COG5: variants seen among roughly 807,000 people sequenced by gnomAD.
The protein encoded by COG5 is conserved oligomeric Golgi complex subunit 5.
COG5 carries 86 observed loss-of-function variants against 110.4 expected under a neutral mutation model. The observed-to-expected ratio is 0.78, with a 90% confidence interval of 0.65 to 0.93. The LOEUF (loss-of-function observed/expected upper bound fraction) is 0.93. Ranked by LOEUF, COG5 falls within the 40% of genes least tolerant of loss-of-function variation. COG5 has a pLI of 0.00. For synonymous variants in COG5, 360 were observed against 334.6 expected (o/e 1.08, Z -0.83); for missense variants, 1,077 against 987.0 (o/e 1.09, Z -1.22).
Position 107,260,869 on chromosome 7 carries a change from A to G in COG5, c.1576-2486T>C, listed in dbSNP as rs1803278698. Among the ~76,000 whole-genome samples the G allele has an allele frequency of 2.6e-5, 4 of 152,276 alleles. 1 individual carries two copies. In the South Asian group the frequency reaches 8.3e-4, roughly 32 times the overall value. ...TTATCCTGATTTTACCGCCCAGAAT[A>G]TAATCAGTCCAAGTCCAATAGTTAG... On this transcript the variant is annotated intron_variant, in intron 14 of 21. Transcript: ENST00000297135.
intron 5 of COG5, among the ~76,000 whole-genome samples, chr7:107,543,362 C>T (rs1294308997): frequency 6.6e-6 from 1 of 152,196 alleles, no homozygotes; most frequent in African/African-American, 2.4e-5. Flanking sequence ...GAATTGAGCA[C>T]TGGACTTTGC....
rs192556713 is a variant in COG5, at chr7:107,413,417, T to C, written c.539-785A>G. ...AGAAGTAACCAAACAACATGCTAGA[T>C]TTGCAGTACAAAGGGCTCTAAGAGC... On this transcript the variant is annotated intron_variant, in intron 6 of 21. Coordinates refer to ENST00000297135, the MANE Select transcript of COG5 (RefSeq NM_006348.5). Among the ~76,000 whole-genome samples the C allele has an allele frequency of 5.9e-3, 892 of 152,156 alleles. 9 individuals are homozygous for C. Among genetic ancestry groups the C allele is most frequent in the South Asian group, 0.026 (126 of 4,808 alleles).
chr7:107,230,296 T>C (rs1800684284), intron 19 of COG5, among the ~76,000 whole-genome samples: 2 of 152,222 alleles, frequency 1.3e-5, no homozygotes, highest in East Asian at 3.9e-4. Context: ...TATATAATTA[T>C]GAATTGCCTA....
intron 8 of COG5, among the ~76,000 whole-genome samples, chr7:107,370,644 G>A (rs1814060534): frequency 6.6e-6 from 1 of 151,718 alleles, no homozygotes. Flanking sequence ...AAATTAGCTG[G>A]GCATGGTGGT....
chr7:107,414,612 C>G (rs985100090), intron 6 of COG5, among the ~76,000 whole-genome samples: 12 of 150,254 alleles, frequency 8.0e-5, no homozygotes, highest in African/African-American at 2.7e-4. Flanking sequence ...AGTTGCCCTT[C>G]CATTCATGAA....
chr7:107,303,167 C>T (rs529474194), intron 11 of COG5, among the ~76,000 whole-genome samples: 10 of 152,014 alleles, frequency 6.6e-5, no homozygotes, highest in South Asian at 4.2e-4. Flanking sequence ...CCTCCCACCT[C>T]GGCCACCAAA....
At chr7:107,208,657 C>T in intron 21 of COG5, 2 of 985,502 alleles carry the variant, frequency 2.0e-6, no homozygotes, top group Non-Finnish European at 2.4e-6. Context: ...GGAACATTCA[C>T]CGGGGCTGGT....
At chr7:107,357,411 T>C (rs574223472) in intron 10 of COG5, among the ~76,000 whole-genome samples, 2 of 152,236 alleles carry the variant, frequency 1.3e-5, no homozygotes, top group East Asian at 3.9e-4. Context: ...TTTTCATAAA[T>C]ATTGCCCTTA....
intron 7 of COG5, among the ~76,000 whole-genome samples, chr7:107,398,389 C>CA (rs1348974286): frequency 1.3e-5 from 2 of 152,186 alleles, no homozygotes; most frequent in African/African-American, 2.4e-5. Context: ...AGGTGAGCGG[C>CA]AGGGCAGTGA....
At chr7:107,466,859 T>C (rs892041742) in intron 6 of COG5, among the ~76,000 whole-genome samples, 2 of 152,352 alleles carry the variant, frequency 1.3e-5, no homozygotes, top group Admixed American at 1.3e-4. Flanking sequence ...TGTTTGTACA[T>C]AGATACCTTA....
intron 10 of COG5, among the ~76,000 whole-genome samples, chr7:107,353,152 G>A (rs1279267532): frequency 5.9e-5 from 9 of 152,198 alleles, no homozygotes; most frequent in Middle Eastern, 3.4e-3. Flanking sequence ...GTGGCTGGGC[G>A]CGGTGGTTCA....
At chr7:107,297,486 T>A (rs1806859978) in intron 12 of COG5, among the ~76,000 whole-genome samples, 1 of 145,680 alleles carries the variant, frequency 6.9e-6, no homozygotes, top group South Asian at 2.2e-4. Context: ...TATCATTTTG[T>A]CGCCCAGGCT....
rs574963130 is a variant in COG5 at position 107,525,047 on chromosome 7, C to T, written c.538+2190G>A. Among the ~76,000 whole-genome samples the T allele has an allele frequency of 5.5e-3, 842 of 152,224 alleles. 8 individuals carry two copies. Among genetic ancestry groups the T allele is most frequent in the African/African-American group, 0.02 (811 of 41,540 alleles). ...GGTTCAAGTGATTCTCCTACCTCAG[C>T]CTCCTGAGTAGCTGGAATTACAGGC... On this transcript the variant is annotated intron_variant, in intron 6 of 21. Coordinates refer to ENST00000297135, the MANE Select transcript of COG5 (RefSeq NM_006348.5).
intron 6 of COG5, among the ~76,000 whole-genome samples, chr7:107,455,458 G>A (rs1388177718): frequency 2.0e-5 from 3 of 152,168 alleles, no homozygotes; most frequent in Non-Finnish European, 4.4e-5. Flanking sequence ...AATGAAAGGG[G>A]AAGGTTATGT....
chr7:107,518,507 A>G (rs1016719803), intron 6 of COG5, among the ~76,000 whole-genome samples: 1 of 152,218 alleles, frequency 6.6e-6, no homozygotes, highest in Non-Finnish European at 1.5e-5. Flanking sequence ...AGGGGTTACA[A>G]TCCTAGTCTC....
intron 3 of COG5, among the ~76,000 whole-genome samples, chr7:107,548,576 G>T (rs1802644037): frequency 6.6e-6 from 1 of 152,084 alleles, no homozygotes; most frequent in Admixed American, 6.5e-5. Context: ...ATGGATATGG[G>T]GTTTCCATCT....
chr7:107,246,447 A>G (rs528852169), intron 17 of COG5, among the ~76,000 whole-genome samples: 1 of 152,362 alleles, frequency 6.6e-6, no homozygotes, highest in South Asian at 2.1e-4. Flanking sequence ...AAGGGAGAAA[A>G]TATTTGCAAA....
intron 6 of COG5, among the ~76,000 whole-genome samples, chr7:107,492,942 T>C (rs77998381): frequency 4.6e-5 from 7 of 152,150 alleles, no homozygotes; most frequent in Non-Finnish European, 7.4e-5. Flanking sequence ...GAACATGTCA[T>C]GATCTGCTGT....
chr7:107,243,042 A>C (rs938742770), intron 17 of COG5, among the ~76,000 whole-genome samples: 1 of 152,226 alleles, frequency 6.6e-6, no homozygotes, highest in Admixed American at 6.5e-5. Flanking sequence ...AAAAAAGCAG[A>C]GGTTGCAGTC....
Sources: gnomAD v4.1 joint callset for allele counts (sites outside exome capture counted in the v4.1 genomes callset) on GRCh38, gnomAD v4.1.1 for gene constraint, MANE v1.5 for transcripts, NCBI Gene and HGNC (gene_info 2026-07-23, HGNC 2026-07-21) for gene names.